TM9SF3: variants seen among roughly 807,000 people sequenced by gnomAD.
The protein encoded by TM9SF3 is SM-11044-binding protein.
TM9SF3 carries 14 observed loss-of-function variants against 78.6 expected under a neutral mutation model. The ratio of observed to expected loss-of-function variants is 0.18; its 90% confidence interval spans 0.12 to 0.28. TM9SF3 has a LOEUF of 0.28. Ranked by LOEUF, TM9SF3 falls within the 10% of genes least tolerant of loss-of-function variation. The pLI is 1.00. For synonymous variants in TM9SF3, 231 were observed against 241.7 expected (o/e 0.96, Z 0.41); for missense variants, 496 against 721.9 (o/e 0.69, Z 3.59).
intron 11 of TM9SF3, among the ~76,000 whole-genome samples, chr10:96,529,060 CAT>C (rs1239318889): frequency 6.6e-6 from 1 of 152,050 alleles, no homozygotes; most frequent in East Asian, 1.9e-4. Context: ...AGCACAAAGA[CAT>C]GTGGTTCAGA....
intron 5 of TM9SF3, 110 bp from the exon 6 acceptor site, chr10:96,553,169 T>A: frequency 8.4e-7 from 1 of 1,189,786 alleles, no homozygotes; most frequent in Non-Finnish European, 1.1e-6. Context: ...AAGTCTTTAA[T>A]TAAATCCTTT....
intron 9 of TM9SF3, among the ~76,000 whole-genome samples, chr10:96,541,012 C>G (rs1231873844): frequency 6.6e-6 from 1 of 151,988 alleles, no homozygotes; most frequent in Non-Finnish European, 1.5e-5. Flanking sequence ...GATCCACCCA[C>G]CTCAGCCTCC....
At chr10:96,575,454 T>C (rs1282064384) in intron 2 of TM9SF3, among the ~76,000 whole-genome samples, 6 of 127,698 alleles carry the variant, frequency 4.7e-5, no homozygotes, top group Non-Finnish European at 6.4e-5. Context: ...CCAAAGACTA[T>C]AAACGGGGGG....
chr10:96,575,782 T>C (rs1159069175), intron 2 of TM9SF3, among the ~76,000 whole-genome samples: 1 of 148,784 alleles, frequency 6.7e-6, no homozygotes, highest in Non-Finnish European at 1.5e-5. Flanking sequence ...ACAGGATCCA[T>C]GATGTATTCA....
intron 9 of TM9SF3, among the ~76,000 whole-genome samples, chr10:96,536,184 C>CA (rs143861820): frequency 0.42 from 63,838 of 151,438 alleles, 14,520 homozygotes; most frequent in South Asian, 0.55. Context: ...AGGGCATCTA[C>CA]AAATAAAATA....
chr10:96,552,935 T>A lies in TM9SF3; in HGVS notation c.785A>T (p.Asp262Val), dbSNP rs1250499731. 3 of 1,549,214 alleles carry A rather than the reference T, an allele frequency of 1.9e-6. No individual in the cohort carries two copies. The highest frequency in any genetic ancestry group is 4.3e-5 in the Admixed American group (2 of 46,718). Reference protein sequence around the residue: ...YARYSKEEEMDDMDRDLGDEY... With the variant: ...YARYSKEEEMVDMDRDLGDEY... ...ATGTAAATGTTTACTCACCATATCA[T>A]CCATTTCTTCCTCTTTACTGTACCG... The change falls in exon 6 of 15, where the codon GAT becomes GTT. Residue 262 changes from aspartate to valine, a missense_variant. By Grantham distance (152) the Asp-to-Val change is radical (BLOSUM62 -3). Around this residue, in one of 4 missense-constraint regions of TM9SF3, gnomAD observed 280 missense variants for 422.6 expected, o/e 0.66. Transcript: ENST00000371142.
chr10:96,581,740 G>C (rs1009168063), intron 1 of TM9SF3, among the ~76,000 whole-genome samples: 8 of 152,136 alleles, frequency 5.3e-5, no homozygotes, highest in Non-Finnish European at 1.2e-4. Context: ...AAGACAAAAG[G>C]TTTCCATTTG....
At chr10:96,561,885 A>T in intron 4 of TM9SF3, 93 bp downstream of exon 4, 1 of 1,037,914 alleles carries the variant, frequency 9.6e-7, no homozygotes, top group Non-Finnish European at 1.4e-6. Context: ...TCCCATTTCA[A>T]GCTACATTTT....
chr10:96,532,403 A>AGGTGC (rs74313188), intron 10 of TM9SF3, among the ~76,000 whole-genome samples: 16,804 of 151,982 alleles, frequency 0.11, 1,064 homozygotes, highest in Non-Finnish European at 0.15. Flanking sequence ...ACAGAGCAAA[A>AGGTGC]TTATCACCTA....
chr10:96,569,647 G>A (rs1303734485), intron 2 of TM9SF3, among the ~76,000 whole-genome samples: 1 of 152,118 alleles, frequency 6.6e-6, no homozygotes, highest in African/African-American at 2.4e-5. Flanking sequence ...CCTAATAACA[G>A]ATTCAGAGAT....
chr10:96,548,450 A>G (rs1430055769), intron 7 of TM9SF3, among the ~76,000 whole-genome samples: 1 of 152,196 alleles, frequency 6.6e-6, no homozygotes, highest in Non-Finnish European at 1.5e-5. Flanking sequence ...ATTAAATACT[A>G]TTATTTTAGA....
intron 1 of TM9SF3, among the ~76,000 whole-genome samples, chr10:96,579,543 T>A (rs140097828): frequency 6.6e-6 from 1 of 152,338 alleles, no homozygotes; most frequent in East Asian, 1.9e-4. Flanking sequence ...TATTCCGAAG[T>A]TACTCATTTT....
intron 9 of TM9SF3, 129 bp from the exon 10 acceptor site, chr10:96,533,319 T>G (rs1847919417): frequency 3.4e-6 from 4 of 1,179,752 alleles, no homozygotes; most frequent in Non-Finnish European, 4.7e-6. Flanking sequence ...GAGCTAAAAT[T>G]GTGCAAGAAG....
chr10:96,521,581 T>G lies in TM9SF3; in HGVS notation c.*682A>C, dbSNP rs764909125. 1 of 152,354 alleles carries G rather than the reference T, an allele frequency of 6.6e-6. No homozygotes were observed. The highest frequency in any genetic ancestry group is 2.4e-5 in the African/African-American group (1 of 41,390). The allele number at this position is 152,354 out of a possible 1,614,324, so 9.4% of individuals were successfully genotyped here. A position where few individuals can be genotyped will look rare whatever the true frequency, so the allele number is the denominator to read the frequency against. On this transcript the variant is annotated 3_prime_UTR_variant, in exon 15 of 15. Transcript: ENST00000371142. Reference sequence around the variant, plus strand: ...ACTTCTGTCTTCAAACTGTATCTTCTTTGGATGGAATTAAGATGTAACTGT... The same window carrying G: ...ACTTCTGTCTTCAAACTGTATCTTCGTTGGATGGAATTAAGATGTAACTGT...
intron 10 of TM9SF3, among the ~76,000 whole-genome samples, chr10:96,532,580 A>G (rs991321078): frequency 2.6e-5 from 4 of 152,218 alleles, no homozygotes; most frequent in Admixed American, 2.6e-4. Flanking sequence ...GTACAGTACT[A>G]AAATATCTGG....
At chr10:96,561,384 C>G (rs944137338) in intron 4 of TM9SF3, among the ~76,000 whole-genome samples, 1 of 152,134 alleles carries the variant, frequency 6.6e-6, no homozygotes, top group Non-Finnish European at 1.5e-5. Context: ...GAAAAACTTT[C>G]AAAATTGACT....
In TM9SF3 at chr10:96,576,623, G is replaced by A. The variant is rs755469737; in HGVS notation, c.298+11C>T. On this transcript the variant is annotated intron_variant, in intron 2 of 14. Transcript: ENST00000371142. ...CAAATTGCATTGTAAGGACTATTAA[G>A]GTTTACTTACCTTTAAATTTAATAT... The A allele has an allele frequency of 1.3e-6, 2 of 1,572,434 alleles. No individual in the cohort carries two copies. Among genetic ancestry groups the A allele is most frequent in the Non-Finnish European group, 1.7e-6 (2 of 1,164,496 alleles).
intron 2 of TM9SF3, among the ~76,000 whole-genome samples, chr10:96,575,626 C>A (rs1848488250): frequency 6.6e-6 from 1 of 151,956 alleles, no homozygotes; most frequent in South Asian, 2.1e-4. Flanking sequence ...ATAATAACAT[C>A]TTTAGTACTA....
chr10:96,528,281 T>C (rs1847860493), intron 11 of TM9SF3, 104 bp from the exon 12 acceptor site: 5 of 1,201,754 alleles, frequency 4.2e-6, no homozygotes, highest in Non-Finnish European at 4.5e-6. Context: ...TCTCACTTAA[T>C]GACTTTCTTT....
Sources: gnomAD v4.1 joint callset for allele counts (sites outside exome capture counted in the v4.1 genomes callset) on GRCh38, gnomAD v4.1.1 for gene constraint, gnomAD v4.1.1 regional missense constraint, MANE v1.5 for transcripts, NCBI Gene and HGNC (gene_info 2026-07-23, HGNC 2026-07-21) for gene names.